PHF24: variants seen among roughly 807,000 people sequenced by gnomAD.
PHF24 encodes the protein Galpha inhibitory interacting protein.
Under a neutral mutation model 42.6 loss-of-function variants are expected in PHF24, and 25 were observed. The observed-to-expected ratio is 0.59, with a 90% CI of 0.43 to 0.82. The LOEUF (loss-of-function observed/expected upper bound fraction) is 0.82. PHF24 is among the 40% of genes least tolerant of loss of function. The pLI, the probability that PHF24 is intolerant of heterozygous loss-of-function variation, is 0.00. For missense variants in PHF24, 470 were observed against 538.1 expected (o/e 0.87, Z 1.25); for synonymous variants, 185 against 204.8 (o/e 0.90, Z 0.83).
the PHF24 span, among the ~76,000 whole-genome samples, chr9:34,875,950 A>ACTCTCTCTCTCTCTCTCT: frequency 2.4e-4 from 19 of 78,668 alleles, no homozygotes; most frequent in African/African-American, 6.7e-4. Context: ...ACACACACAC[A>ACTCTCTCTCTCTCTCTCT]CTCTCTCTCT....
chr9:34,941,640 CCAAGAT>C, the PHF24 span, among the ~76,000 whole-genome samples: 3 of 152,154 alleles, frequency 2.0e-5, no homozygotes, highest in South Asian at 2.1e-4. Context: ...GCTGGGAAGA[CCAAGAT>C]CAAGGCACTG....
At chr9:34,706,518 A>G in the PHF24 span, among the ~76,000 whole-genome samples, 3,496 of 152,224 alleles carry the variant, frequency 0.023, 53 homozygotes, top group Middle Eastern at 0.037. Context: ...TATTTTTTGA[A>G]TTATGCATCA....
the PHF24 span, among the ~76,000 whole-genome samples, chr9:34,763,727 A>G: frequency 6.6e-6 from 1 of 152,072 alleles, no homozygotes; most frequent in South Asian, 2.1e-4. Flanking sequence ...AGAACTTCCA[A>G]CACTATGTTG....
the PHF24 span, among the ~76,000 whole-genome samples, chr9:34,694,159 C>CTTTTTTTTTT: frequency 1.7e-4 from 11 of 66,178 alleles, no homozygotes; most frequent in East Asian, 4.7e-4. Context: ...TATCTCTATT[C>CTTTTTTTTTT]TTTTTTTTTT....
the PHF24 span, among the ~76,000 whole-genome samples, chr9:34,845,816 T>C: frequency 6.9e-6 from 1 of 144,932 alleles, no homozygotes; most frequent in African/African-American, 2.6e-5. Flanking sequence ...GTTCTCATTG[T>C]TCAGTTCCCA....
the PHF24 span, among the ~76,000 whole-genome samples, chr9:34,943,425 CA>C: frequency 6.6e-6 from 1 of 152,156 alleles, no homozygotes; most frequent in Non-Finnish European, 1.5e-5. Flanking sequence ...GGTGCATCCA[CA>C]AACTAAGCAG....
At chr9:34,673,748 A>G in the PHF24 span, among the ~76,000 whole-genome samples, 2 of 151,952 alleles carry the variant, frequency 1.3e-5, no homozygotes, top group African/African-American at 4.8e-5. Flanking sequence ...CAGCCTCCAG[A>G]GTAGTTGGGA....
chr9:34,723,035 G>A, the PHF24 span: 5 of 706,120 alleles, frequency 7.1e-6, no homozygotes, highest in Non-Finnish European at 1.1e-5. Flanking sequence ...CAGAGACAAG[G>A]AGCAGACAGA....
chr9:34,709,691 G>C, the PHF24 span: 2 of 1,613,668 alleles, frequency 1.2e-6, no homozygotes, highest in Non-Finnish European at 1.7e-6. Flanking sequence ...ACCTGCGGGT[G>C]GGGGCTAGTA....
At position 34,981,867 on chromosome 9, in the gene PHF24, G is replaced by T. The variant is rs1231118961; in HGVS notation, c.*3756G>T. The T allele has an allele frequency of 7.2e-5, 11 of 152,038 alleles. No individual in the cohort carries two copies. The East Asian group carries it at 2.1e-3, about 29-fold the overall frequency. 9.4% of individuals were successfully genotyped at this position (152,038 alleles called of 1,614,324 possible). A position where few individuals can be genotyped will look rare whatever the true frequency, so the allele number is the denominator to read the frequency against. ...CTGGCTGCAACCCAGACAATGGCGA[G>T]ATCTCCTGGAGTGGGGGATATTCAC... On this transcript the variant is annotated 3_prime_UTR_variant, in exon 8 of 8. Transcript: ENST00000242315.
intron 1 of PHF24, among the ~76,000 whole-genome samples, chr9:34,959,550 G>C (rs1587457294): frequency 6.6e-6 from 1 of 152,188 alleles, no homozygotes; most frequent in African/African-American, 2.4e-5. Flanking sequence ...GGTGCCTGCC[G>C]AGCATAGGGT....
At chr9:34,784,528 A>G in the PHF24 span, among the ~76,000 whole-genome samples, 1 of 152,222 alleles carries the variant, frequency 6.6e-6, no homozygotes, top group Admixed American at 6.5e-5. Flanking sequence ...AGCACTGTTA[A>G]CACATAGTTC....
chr9:34,718,470 G>C, the PHF24 span, among the ~76,000 whole-genome samples: 2 of 152,210 alleles, frequency 1.3e-5, no homozygotes, highest in Non-Finnish European at 2.9e-5. Context: ...CCTGCTTTGT[G>C]CTTACCTCTC....
the PHF24 span, among the ~76,000 whole-genome samples, chr9:34,875,956 T>A: frequency 0.047 from 1,165 of 24,598 alleles, 8 homozygotes; most frequent in South Asian, 0.1. Context: ...ACACACTCTC[T>A]CTCTCTCTCT....
chr9:34,839,202 T>C, the PHF24 span, among the ~76,000 whole-genome samples: 2 of 152,320 alleles, frequency 1.3e-5, no homozygotes, highest in East Asian at 1.9e-4. Context: ...ATCATGGTTT[T>C]CTAGAGCTGC....
At chr9:34,972,170 A>C (rs1038196526) in intron 2 of PHF24, among the ~76,000 whole-genome samples, 176 bp from the exon 3 acceptor site, 1 of 152,038 alleles carries the variant, frequency 6.6e-6, no homozygotes, top group East Asian at 1.9e-4. Flanking sequence ...AGCTGGAAGG[A>C]CCTCCTGGTT....
chr9:34,879,718 G>A, the PHF24 span, among the ~76,000 whole-genome samples: 513 of 152,292 alleles, frequency 3.4e-3, 1 homozygote, highest in South Asian at 0.018. Context: ...CCAAATCTAT[G>A]TCTGACTGGT....
At chr9:34,962,527 A>G (rs1283666487) in intron 1 of PHF24, among the ~76,000 whole-genome samples, 1 of 152,136 alleles carries the variant, frequency 6.6e-6, no homozygotes, top group Non-Finnish European at 1.5e-5. Flanking sequence ...ACCATCAGTT[A>G]TTAAGCACCT....
the PHF24 span, among the ~76,000 whole-genome samples, chr9:34,735,808 A>G: frequency 2.6e-5 from 4 of 152,030 alleles, no homozygotes; most frequent in African/African-American, 9.7e-5. Flanking sequence ...CTAAAAAAAA[A>G]AAAGAGAGAC....
Sources: gnomAD v4.1 joint callset for allele counts (sites outside exome capture counted in the v4.1 genomes callset) on GRCh38, gnomAD v4.1.1 for gene constraint, MANE v1.5 for transcripts, NCBI Gene and HGNC (gene_info 2026-07-23, HGNC 2026-07-21) for gene names.